Variants in RNF144B observed in about 807,000 individuals in gnomAD.
The protein encoded by RNF144B is ring finger protein 144B, also known as E3 ubiquitin-protein ligase RNF144B.
A neutral mutation model predicts 40.2 loss-of-function variants in RNF144B; 25 were observed. That is an observed-to-expected ratio of 0.62 (90% CI 0.45 to 0.87). RNF144B has a LOEUF of 0.87. Among genes scored for constraint, RNF144B ranks in the 40% least tolerant of loss-of-function variants. RNF144B has a pLI of 0.00. For synonymous variants in RNF144B, 145 were observed against 136.3 expected (o/e 1.06, Z -0.44); for missense variants, 365 against 373.7 (o/e 0.98, Z 0.19).
chr6:18,452,387 C>T (rs10456830), intron 4 of RNF144B, among the ~76,000 whole-genome samples: 19,036 of 152,056 alleles, frequency 0.13, 1,369 homozygotes, highest in Admixed American at 0.19. Context: ...AGGTAGTTCA[C>T]TTAAGAATGG....
chr6:18,392,990 G>A (rs927702027), intron 1 of RNF144B, among the ~76,000 whole-genome samples: 1 of 151,748 alleles, frequency 6.6e-6, no homozygotes, highest in Non-Finnish European at 1.5e-5. Flanking sequence ...GCGTGATGGC[G>A]GGCACCTGTA....
intron 4 of RNF144B, among the ~76,000 whole-genome samples, chr6:18,445,592 A>G (rs929344372): frequency 2.6e-5 from 4 of 152,190 alleles, no homozygotes; most frequent in African/African-American, 9.6e-5. Context: ...GAATTTGTCT[A>G]TCTCTGATGT....
intron 4 of RNF144B, among the ~76,000 whole-genome samples, chr6:18,440,433 G>C (rs1305736734): frequency 4.6e-5 from 7 of 152,088 alleles, no homozygotes; most frequent in African/African-American, 1.7e-4. Flanking sequence ...GTTTCTCCCA[G>C]AAGTTATTGG....
rs550071934 is a variant in RNF144B at position 18,417,456 on chromosome 6, G to T, written c.166-10125G>T. Among the ~76,000 whole-genome samples, 282 of 152,164 alleles carry T rather than the reference G, an allele frequency of 1.9e-3. 4 individuals are homozygous for T. The highest frequency in any genetic ancestry group is 6.3e-3 in the African/African-American group (261 of 41,536). On this transcript the variant is annotated intron_variant, in intron 2 of 7. Coordinates refer to ENST00000259939, the MANE Select transcript of RNF144B (RefSeq NM_182757.4). ...TTTTGTCATTTGATTTTCAACAAGGGTGCCAAGACAATTCAAAGAGGAAAG... is the reference window on the plus strand; with the variant it reads ...TTTTGTCATTTGATTTTCAACAAGGTTGCCAAGACAATTCAAAGAGGAAAG...
chr6:18,441,825 G>A lies in RNF144B; in HGVS notation c.331+2081G>A, dbSNP rs79364825. On this transcript the variant is annotated intron_variant, in intron 4 of 7. Transcript: ENST00000259939. This position sits in a 1 kb window ranked among gnomAD's most constrained non-coding sequence, Gnocchi z 4.9. ...ACCACAGGGTTGTGATGAGGATTAT[G>A]TGAATTAATACTTGTAAAGCACTTC... Among the ~76,000 whole-genome samples the A allele has an allele frequency of 5.4e-3, 826 of 152,294 alleles. 11 individuals are homozygous for A. Among genetic ancestry groups the A allele is most frequent in the African/African-American group, 0.019 (783 of 41,550 alleles).
intron 4 of RNF144B, among the ~76,000 whole-genome samples, chr6:18,449,953 T>C (rs1372326550): frequency 6.6e-6 from 1 of 152,166 alleles, no homozygotes; most frequent in Admixed American, 6.5e-5. Flanking sequence ...ATAGAGAAAG[T>C]AGATGGAAAA....
chr6:18,451,007 G>T (rs1284967428), intron 4 of RNF144B, among the ~76,000 whole-genome samples: 1 of 152,118 alleles, frequency 6.6e-6, no homozygotes, highest in Non-Finnish European at 1.5e-5. Flanking sequence ...ACTACATTTG[G>T]ATATTTGGAT....
intron 3 of RNF144B, among the ~76,000 whole-genome samples, chr6:18,428,708 C>A (rs1483479245): frequency 6.6e-6 from 1 of 152,166 alleles, no homozygotes; most frequent in Non-Finnish European, 1.5e-5. Context: ...CACCACCCCC[C>A]AGTTGTTTTC....
intron 3 of RNF144B, among the ~76,000 whole-genome samples, chr6:18,437,425 T>G (rs1758848919): frequency 6.6e-6 from 1 of 152,102 alleles, no homozygotes; most frequent in African/African-American, 2.4e-5. Flanking sequence ...GTTGACAAAG[T>G]GAGACCTCAT....
At chr6:18,430,556 A>G (rs570705750) in intron 3 of RNF144B, among the ~76,000 whole-genome samples, 5 of 152,088 alleles carry the variant, frequency 3.3e-5, no homozygotes, top group Non-Finnish European at 5.9e-5. Flanking sequence ...GTACAGTGGT[A>G]CAATCACAGC....
intron 1 of RNF144B, among the ~76,000 whole-genome samples, chr6:18,390,222 A>G (rs757612190): frequency 6.6e-6 from 1 of 152,216 alleles, no homozygotes; most frequent in South Asian, 2.1e-4. Flanking sequence ...CCATTTGACC[A>G]TTAAGAGGTA....
In RNF144B at chr6:18,446,021, G is replaced by A. The variant is rs1759073582; in HGVS notation, c.331+6277G>A. On this transcript the variant is annotated intron_variant, in intron 4 of 7. Transcript: ENST00000259939. This position sits in a 1 kb window ranked among gnomAD's most constrained non-coding sequence, Gnocchi z 4.7. ...CTCAAATTCCTTATAGGTCATTAGT[G>A]TGAGAAGAGAATGAGAAGAACAGCT... Among the ~76,000 whole-genome samples, 1 of 152,186 alleles carries A rather than the reference G, an allele frequency of 6.6e-6. No homozygotes were observed. Among genetic ancestry groups the A allele is most frequent in the African/African-American group, 2.4e-5 (1 of 41,452 alleles).
intron 2 of RNF144B, among the ~76,000 whole-genome samples, chr6:18,403,084 C>T (rs1483458239): frequency 2.0e-5 from 3 of 152,182 alleles, no homozygotes; most frequent in East Asian, 3.9e-4. Flanking sequence ...TTATGACATG[C>T]AAAGAGTATC....
At position 18,398,733 on chromosome 6, in the gene RNF144B, TTTGGCTA is replaced by T. The variant is rs1176806839; in HGVS notation, c.-36-762_-36-756del. On this transcript the variant is annotated intron_variant, in intron 1 of 7. Coordinates refer to ENST00000259939, the MANE Select transcript of RNF144B (RefSeq NM_182757.4). The surrounding 1 kb of genome is among the most constrained non-coding windows in gnomAD (Gnocchi z 5.0). ...ATGGACACTTGGGTTGCCTCCACTG[TTTGGCTA>T]TTGTGAATAATGTTGCTATGAATAT... 6.6e-6 allele frequency among the ~76,000 whole-genome samples: 1 copy of T among 152,168 alleles called. No individual in the cohort carries two copies. The highest frequency in any genetic ancestry group is 1.5e-5 in the Non-Finnish European group (1 of 68,028).
rs896939748 is a variant in RNF144B, at chr6:18,464,851, A to C, written c.772-76A>C. ...GACACAAACATTTGGCCCACAGCAGATAACAGTATAGTTGGAATAAGTATA... is the reference window on the plus strand; with the variant it reads ...GACACAAACATTTGGCCCACAGCAGCTAACAGTATAGTTGGAATAAGTATA... On this transcript the variant is annotated intron_variant, in intron 7 of 7. Coordinates refer to ENST00000259939, the MANE Select transcript of RNF144B (RefSeq NM_182757.4). This position sits in a 1 kb window ranked among gnomAD's most constrained non-coding sequence, Gnocchi z 6.1. The C allele has an allele frequency of 4.2e-6, 6 of 1,424,676 alleles. No homozygotes were observed. The African/African-American group carries it at 8.4e-5, about 20-fold the overall frequency. 88.3% of individuals were successfully genotyped at this position (1,424,676 alleles called of 1,614,324 possible).
chr6:18,440,891 CAA>C (rs139900981), intron 4 of RNF144B, among the ~76,000 whole-genome samples: 1 of 142,572 alleles, frequency 7.0e-6, no homozygotes. Flanking sequence ...CTAAATATAC[CAA>C]AAAAAAAAAT....
At chr6:18,390,758 C>G (rs1256906259) in intron 1 of RNF144B, among the ~76,000 whole-genome samples, 1 of 152,222 alleles carries the variant, frequency 6.6e-6, no homozygotes, top group Non-Finnish European at 1.5e-5. Flanking sequence ...CATTCTCCTG[C>G]ATATGATTAT....
chr6:18,465,062 A>T lies in RNF144B; in HGVS notation c.907A>T (p.Thr303Ser), dbSNP rs746487935. Residue 303 changes from threonine (T) to serine (S), a missense_variant, in exon 8 of 8, where the codon ACC (threonine) becomes TCC (serine). Physicochemically the swap from Thr to Ser is moderately conservative, Grantham distance 58 (BLOSUM62 1). Coordinates refer to ENST00000259939, the MANE Select transcript of RNF144B (RefSeq NM_182757.4). ...GAAGAAAAAGCACGACCCATCCACA[A>T]CCTAAAGATCTCTGTGTTCATACGC... is the stretch of plus-strand genomic sequence containing the variant. ...GKKKKHDPST[T>S] 1 of 1,613,556 alleles carries T rather than the reference A, an allele frequency of 6.2e-7. No homozygotes were observed. Among genetic ancestry groups the T allele is most frequent in the African/African-American group, 1.3e-5 (1 of 74,896 alleles).
Position 18,457,297 on chromosome 6 carries a change from T to A in RNF144B, c.474T>A (p.Asp158Glu). Residue 158 changes from aspartate (D) to glutamate (E), a missense_variant, in exon 5 of 8, where the codon GAT becomes GAA. Coordinates refer to ENST00000259939, the MANE Select transcript of RNF144B (RefSeq NM_182757.4). The surrounding 1 kb of genome is among the most constrained non-coding windows in gnomAD (Gnocchi z 5.1). ...TGAAATTCTGCTCGTGTTGCAAGGA[T>A]GCTTGGCATGCAGAGGTCTCCTGTA... The part of the protein sequence containing the change: ...CHLKFCSCCK[D>E]AWHAEVSCRD... 1 of 1,614,202 alleles carries A rather than the reference T, an allele frequency of 6.2e-7. No homozygotes were observed. The highest frequency in any genetic ancestry group is 8.5e-7 in the Non-Finnish European group (1 of 1,180,014).
Sources: gnomAD v4.1 joint callset for allele counts (sites outside exome capture counted in the v4.1 genomes callset) on GRCh38, gnomAD v4.1.1 for gene constraint, Gnocchi (gnomAD v3.1) non-coding constraint, MANE v1.5 for transcripts, NCBI Gene and HGNC (gene_info 2026-07-23, HGNC 2026-07-21) for gene names.